Variants in MYO9B observed in about 807,000 individuals in gnomAD.
The protein encoded by MYO9B is myosin IXB.
Under a neutral mutation model 229.5 loss-of-function variants are expected in MYO9B, and 71 were observed. The observed-to-expected ratio is 0.31, with a 90% CI of 0.26 to 0.38. MYO9B has a LOEUF of 0.38. Ranked by LOEUF, MYO9B falls within the 10% of genes least tolerant of loss-of-function variation. The pLI, the probability that MYO9B is intolerant of heterozygous loss-of-function variation, is 1.00. For missense variants in MYO9B, 2,255 were observed against 2,920.5 expected (o/e 0.77, Z 5.25); for synonymous variants, 1,185 against 1,235.8 (o/e 0.96, Z 0.86).
At chr19:17,110,090 G>A (rs2057832823) in intron 2 of MYO9B, among the ~76,000 whole-genome samples, 2 of 152,094 alleles carry the variant, frequency 1.3e-5, no homozygotes, top group South Asian at 2.1e-4. Flanking sequence ...AGCACAACTC[G>A]CTGCATCGAT....
At chr19:17,206,977 G>A (rs1292711725) in intron 34 of MYO9B, 136 bp from the exon 35 acceptor site, 87 of 1,360,984 alleles carry the variant, frequency 6.4e-5, no homozygotes, top group Non-Finnish European at 8.4e-5. Flanking sequence ...TCTGTGCTGC[G>A]GAAGCATCTC....
chr19:17,191,205 A>G lies in MYO9B; in HGVS notation c.2797A>G (p.Ile933Val). 1.9e-6 allele frequency: 3 copies of G among 1,612,102 alleles called. No individual in the cohort carries two copies. The highest frequency in any genetic ancestry group is 1.7e-6 in the Non-Finnish European group (2 of 1,179,142). Reference protein sequence around the residue: ...KMKIDKRNYQIGKTKVFLKET... With the variant: ...KMKIDKRNYQVGKTKVFLKET... ...GAAGATAGACAAGAGGAACTACCAG[A>G]TCGGGAAGACCAAGGTCAGCGCTCC... Residue 933 changes from isoleucine to valine, a missense_variant, in exon 20 of 40, where the codon ATC becomes GTC. Around this residue, in one of 7 missense-constraint regions of MYO9B, gnomAD observed 679 missense variants for 770.2 expected, o/e 0.88. Transcript: ENST00000682292.
In MYO9B at chr19:17,145,510, C is replaced by T. The variant is rs2145235571; in HGVS notation, c.935+19C>T. ...TGAGAGGGTGAGGTGTCCCTGGGGT[C>T]CCCACTGGTGGGAGCTGGCCCCACG... On this transcript the variant is annotated intron_variant, in intron 3 of 39. Transcript: ENST00000682292. The T allele has an allele frequency of 1.2e-6, 2 of 1,606,376 alleles. No individual in the cohort carries two copies. Among genetic ancestry groups the T allele is most frequent in the Middle Eastern group, 1.7e-4 (1 of 6,052 alleles).
intron 26 of MYO9B, among the ~76,000 whole-genome samples, 163 bp from the exon 27 acceptor site, chr19:17,201,763 G>T (rs1456682408): frequency 2.0e-5 from 3 of 151,984 alleles, no homozygotes; most frequent in African/African-American, 7.3e-5. Flanking sequence ...TTTAACTCTG[G>T]GTTGACAAGA....
chr19:17,197,542 C>A (rs566554232), intron 22 of MYO9B, among the ~76,000 whole-genome samples: 147 of 152,310 alleles, frequency 9.7e-4, no homozygotes, highest in African/African-American at 3.4e-3. Flanking sequence ...CTGGCTCACT[C>A]TCTGGGGTGG....
rs774368482 is a variant in MYO9B at position 17,195,520 on chromosome 19, G to T, written c.4046+47G>T. 6.5e-7 allele frequency: 1 copy of T among 1,544,278 alleles called. No homozygotes were observed. The highest frequency in any genetic ancestry group is 1.9e-5 in the Admixed American group (1 of 51,758). ...GTCTGAGCACCAGGGTCCAGGCCAGGTGGGCAAGGCCAGGGGCAGTGCCAC... is the reference window on the plus strand; with the variant it reads ...GTCTGAGCACCAGGGTCCAGGCCAGTTGGGCAAGGCCAGGGGCAGTGCCAC... On this transcript the variant is annotated intron_variant, in intron 22 of 39. Coordinates refer to ENST00000682292, the MANE Select transcript of MYO9B (RefSeq NM_004145.4). The surrounding 1 kb of genome is among the most constrained non-coding windows in gnomAD (Gnocchi z 4.5).
intron 2 of MYO9B, among the ~76,000 whole-genome samples, chr19:17,116,154 G>A (rs770695507): frequency 1.4e-4 from 21 of 152,132 alleles, no homozygotes; most frequent in Non-Finnish European, 2.6e-4. Flanking sequence ...CCCATCTCTT[G>A]AAGGGTTTCC....
chr19:17,128,502 A>C (rs906601358), intron 2 of MYO9B, among the ~76,000 whole-genome samples: 3 of 152,232 alleles, frequency 2.0e-5, no homozygotes, highest in South Asian at 2.1e-4. Context: ...TTTGCTTGGC[A>C]GACCTGGCAG....
rs2057745336 is a variant in MYO9B, at chr19:17,101,634, A to G, written c.-58-26A>G. 2.7e-6 allele frequency: 4 copies of G among 1,459,612 alleles called. No homozygotes were observed. The highest frequency in any genetic ancestry group is 1.4e-5 in the South Asian group (1 of 71,648). The allele number at this position is 1,459,612 out of a possible 1,614,324, so 90.4% of individuals were successfully genotyped here. ...TAAACTTCCTCCCACCATTCTGACC[A>G]TGCCTGGCTCTGACCTCCCTTCTAG... is the stretch of plus-strand genomic sequence containing the variant. On this transcript the variant is annotated intron_variant, in intron 1 of 39. Transcript: ENST00000682292. This position sits in a 1 kb window ranked among gnomAD's most constrained non-coding sequence, Gnocchi z 4.7.
At chr19:17,137,422 C>CAAG (rs2072284827) in intron 2 of MYO9B, among the ~76,000 whole-genome samples, 2 of 152,198 alleles carry the variant, frequency 1.3e-5, no homozygotes, top group Non-Finnish European at 1.5e-5. Context: ...ACAACAACAA[C>CAAG]AAGAGGTGAG....
chr19:17,105,182 G>A (rs1270348355), intron 2 of MYO9B, among the ~76,000 whole-genome samples: 1 of 151,764 alleles, frequency 6.6e-6, no homozygotes, highest in Non-Finnish European at 1.5e-5. Flanking sequence ...TTCACAACCA[G>A]CATTTAAGGT....
intron 13 of MYO9B, among the ~76,000 whole-genome samples, chr19:17,174,602 A>G (rs147444944): frequency 0.063 from 9,522 of 152,084 alleles, 387 homozygotes; most frequent in Non-Finnish European, 0.094. Context: ...ATGCCAGTGC[A>G]CTTCAGCCTG....
At chr19:17,202,651 C>G (rs569400776) in intron 28 of MYO9B, among the ~76,000 whole-genome samples, 191 bp from the exon 29 acceptor site, 13 of 152,318 alleles carry the variant, frequency 8.5e-5, no homozygotes, top group South Asian at 8.3e-4. Flanking sequence ...TGGTGGGGAG[C>G]CCTGCACCCT....
rs2073097986 is a variant in MYO9B, at chr19:17,200,727, G to A, written c.4461G>A (p.Lys1487=). 6.2e-7 allele frequency: 1 copy of A among 1,613,952 alleles called. No homozygotes were observed. The highest frequency in any genetic ancestry group is 1.1e-5 in the South Asian group (1 of 91,094). Residue 1487 remains lysine (K), a synonymous_variant, in exon 26 of 40, where the codon AAG becomes AAA. Transcript: ENST00000682292. ...GGKGKKNRNV[K]IGKITVSEKW... ...AAGGGAAGAAGAACCGAAATGTCAA[G>A]ATTGGGAAGATCACAGTGTCAGAGA... is the stretch of plus-strand genomic sequence containing the variant.
intron 2 of MYO9B, among the ~76,000 whole-genome samples, chr19:17,140,636 G>A (rs1194280242): frequency 6.6e-6 from 1 of 151,834 alleles, no homozygotes; most frequent in Non-Finnish European, 1.5e-5. Flanking sequence ...TTACAGGCAT[G>A]TACCACCATG....
At chr19:17,166,640 C>T (rs989166506) in intron 10 of MYO9B, among the ~76,000 whole-genome samples, 2 of 152,054 alleles carry the variant, frequency 1.3e-5, no homozygotes, top group African/African-American at 4.8e-5. Context: ...TTTCCTGATC[C>T]GCTCACTCCT....
chr19:17,084,709 CAAAAAAAA>C (rs903470342), intron 1 of MYO9B, among the ~76,000 whole-genome samples: 1,206 of 81,272 alleles, frequency 0.015, 27 homozygotes, highest in African/African-American at 0.048. Context: ...ACTAAAAATA[CAAAAAAAA>C]AAAAAAAGAA....
At chr19:17,187,643 C>T (rs2072933722) in intron 18 of MYO9B, among the ~76,000 whole-genome samples, 1 of 150,234 alleles carries the variant, frequency 6.7e-6, no homozygotes, top group Non-Finnish European at 1.5e-5. Context: ...TGGTCTCGAA[C>T]TCCTGGCCTC....
intron 25 of MYO9B, 21 bp downstream of exon 25, chr19:17,200,447 G>C (rs764635604): frequency 1.9e-6 from 3 of 1,555,842 alleles, no homozygotes; most frequent in Non-Finnish European, 2.6e-6. Context: ...TGCAGCCTCA[G>C]GGACAGACAG....
Sources: allele counts gnomAD v4.1 joint callset (sites outside exome capture counted in the v4.1 genomes callset), GRCh38; gene constraint gnomAD v4.1.1; regional missense constraint gnomAD v4.1.1; non-coding constraint Gnocchi (gnomAD v3.1); transcripts MANE v1.5; gene names NCBI Gene and HGNC (gene_info 2026-07-23, HGNC 2026-07-21).